DNAAF11: variants seen among roughly 807,000 people sequenced by gnomAD.
DNAAF11 encodes the protein dynein axonemal assembly factor 11.
In DNAAF11, 45 loss-of-function variants were observed where a neutral mutation model predicts 60.8. That is an observed-to-expected ratio of 0.74 (90% CI 0.58 to 0.95). The LOEUF is 0.95. Among genes scored for constraint, DNAAF11 ranks in the 40% least tolerant of loss-of-function variants. The pLI, the probability that DNAAF11 is intolerant of heterozygous loss-of-function variation, is 0.00. For missense variants in DNAAF11, 546 were observed against 546.2 expected, an observed-to-expected ratio of 1.00 and a Z score of 0.00; for synonymous variants, 191 against 183.5, an observed-to-expected ratio of 1.04 and a Z score of -0.33.
chr8:132,602,497 A>G (rs1173355358), intron 10 of DNAAF11, among the ~76,000 whole-genome samples: 2 of 151,994 alleles, frequency 1.3e-5, no homozygotes, highest in African/African-American at 4.8e-5. Context: ...TCCCAAATAA[A>G]CTACTCTACT....
chr8:132,633,266 T>C (rs889946885), intron 4 of DNAAF11, among the ~76,000 whole-genome samples: 1 of 152,132 alleles, frequency 6.6e-6, no homozygotes, highest in Non-Finnish European at 1.5e-5. Flanking sequence ...AAAATGTCAA[T>C]GCTTAAGTCA....
chr8:132,627,725 T>C (rs988651356), intron 5 of DNAAF11, among the ~76,000 whole-genome samples: 9 of 152,166 alleles, frequency 5.9e-5, no homozygotes, highest in African/African-American at 2.2e-4. Flanking sequence ...TTCCTCTGAA[T>C]CCCATACTAC....
intron 1 of DNAAF11, 83 bp downstream of exon 1, chr8:132,675,401 G>A (rs762355385): frequency 1.6e-4 from 235 of 1,452,300 alleles, no homozygotes; most frequent in Non-Finnish European, 4.5e-5. Context: ...CGCAGGGCGG[G>A]AGCGGGCGGC....
At chr8:132,645,280 T>C (rs1822262245) in intron 3 of DNAAF11, among the ~76,000 whole-genome samples, 1 of 152,102 alleles carries the variant, frequency 6.6e-6, no homozygotes, top group Non-Finnish European at 1.5e-5. Context: ...TCCTGACTGT[T>C]AGAAGGAAAG....
chr8:132,632,685 C>T, intron 5 of DNAAF11, 55 bp downstream of exon 5: 1 of 1,197,616 alleles, frequency 8.3e-7, no homozygotes, highest in South Asian at 1.2e-5. Context: ...AAAGAGAATA[C>T]AGTTTGCTGC....
chr8:132,601,939 A>C (rs1817667044), intron 10 of DNAAF11, among the ~76,000 whole-genome samples: 2 of 151,904 alleles, frequency 1.3e-5, no homozygotes, highest in Non-Finnish European at 2.9e-5. Context: ...ATAATAAACT[A>C]TCTCTGCTAA....
chr8:132,590,330 A>G (rs1000371630), intron 10 of DNAAF11, among the ~76,000 whole-genome samples: 4 of 152,190 alleles, frequency 2.6e-5, no homozygotes, highest in African/African-American at 7.2e-5. Context: ...GGGTTACTGC[A>G]GTTTTGGTTT....
intron 1 of DNAAF11, among the ~76,000 whole-genome samples, chr8:132,674,378 G>T (rs1476032010): frequency 6.6e-6 from 1 of 152,086 alleles, no homozygotes; most frequent in East Asian, 1.9e-4. Flanking sequence ...CTTGCAGGCT[G>T]TCAGGTCTTC....
the DNAAF11 span, among the ~76,000 whole-genome samples, chr8:132,690,111 T>C: frequency 1.3e-5 from 2 of 152,234 alleles, no homozygotes; most frequent in Non-Finnish European, 2.9e-5. Context: ...AGTTTGAGAT[T>C]TTTAGAAAAA....
rs115508504 is a variant in DNAAF11, at chr8:132,576,508, T to C, written c.1227-4028A>G. On this transcript the variant is annotated intron_variant, in intron 11 of 11. Coordinates refer to ENST00000620350, the MANE Select transcript of DNAAF11 (RefSeq NM_012472.6). ...AAGTGAGACGATTTGACTGACCAAATTGACCCAGTTGTTTTGGTGAACTGA... is the reference window on the plus strand; with the variant it reads ...AAGTGAGACGATTTGACTGACCAAACTGACCCAGTTGTTTTGGTGAACTGA... 9.9e-3 allele frequency among the ~76,000 whole-genome samples: 1,513 copies of C among 152,298 alleles called. 30 individuals are homozygous for C. The highest frequency in any genetic ancestry group is 0.034 in the African/African-American group (1,417 of 41,542).
the DNAAF11 span, chr8:132,687,572 C>T: frequency 1.3e-5 from 6 of 455,866 alleles, no homozygotes; most frequent in Non-Finnish European, 1.8e-5. Flanking sequence ...CCCACACCTT[C>T]GTTGAGTTCT....
At chr8:132,583,185 G>C (rs928549626) in intron 11 of DNAAF11, among the ~76,000 whole-genome samples, 3 of 152,088 alleles carry the variant, frequency 2.0e-5, no homozygotes, top group Non-Finnish European at 2.9e-5. Flanking sequence ...AGGGGCCCTA[G>C]TACCCCTGAG....
Position 132,592,347 on chromosome 8 carries a change from G to A in DNAAF11, c.1141-8568C>T, listed in dbSNP as rs190083568. ...TCCCGAGGGAGTGTTATCTGAGCTA[G>A]AAAAGGAATATCCAATTGAAAGGAG... On this transcript the variant is annotated intron_variant, in intron 10 of 11. Transcript: ENST00000620350. Among the ~76,000 whole-genome samples, 1,497 of 152,292 alleles carry A rather than the reference G, an allele frequency of 9.8e-3. 10 individuals are homozygous for A. The highest frequency in any genetic ancestry group is 0.012 in the Non-Finnish European group (820 of 68,016).
chr8:132,670,471 G>C lies in DNAAF11; in HGVS notation c.10+5013C>G, dbSNP rs182442481. On this transcript the variant is annotated intron_variant, in intron 1 of 11. Transcript: ENST00000620350. ...CAGCCCTATATCTACTGGATATGTA[G>C]TTAAAAACCTTTCTTTCCACAAATA... is the stretch of plus-strand genomic sequence containing the variant. 1.0e-3 allele frequency among the ~76,000 whole-genome samples: 159 copies of C among 152,258 alleles called. No individual in the cohort carries two copies. The Middle Eastern group carries it at 0.014, about 13-fold the overall frequency.
At chr8:132,670,863 T>C (rs1337658689) in intron 1 of DNAAF11, among the ~76,000 whole-genome samples, 3 of 152,084 alleles carry the variant, frequency 2.0e-5, no homozygotes, top group Non-Finnish European at 2.9e-5. Flanking sequence ...ATAATGTCAG[T>C]AGAGACAAAA....
chr8:132,681,665 AG>A, the DNAAF11 span, among the ~76,000 whole-genome samples: 1 of 152,192 alleles, frequency 6.6e-6, no homozygotes, highest in African/African-American at 2.4e-5. Context: ...TCCAAACATC[AG>A]ACATTCTAGT....
chr8:132,619,204 A>C (rs1361333827), intron 7 of DNAAF11, among the ~76,000 whole-genome samples: 1 of 152,094 alleles, frequency 6.6e-6, no homozygotes, highest in Non-Finnish European at 1.5e-5. Flanking sequence ...AAGAACAAAA[A>C]ACCAAACACC....
chr8:132,603,978 T>G (rs1378238313), intron 10 of DNAAF11, among the ~76,000 whole-genome samples: 1 of 152,130 alleles, frequency 6.6e-6, no homozygotes, highest in African/African-American at 2.4e-5. Flanking sequence ...AAGGCCAGGT[T>G]GCACAAGGGG....
the DNAAF11 span, among the ~76,000 whole-genome samples, chr8:132,694,028 A>G: frequency 6.6e-6 from 1 of 152,170 alleles, no homozygotes; most frequent in Non-Finnish European, 1.5e-5. Flanking sequence ...TACTATGTTG[A>G]CAGTATGCTC....
Sources: allele counts gnomAD v4.1 joint callset (sites outside exome capture counted in the v4.1 genomes callset), GRCh38; gene constraint gnomAD v4.1.1; transcripts MANE v1.5; gene names NCBI Gene and HGNC (gene_info 2026-07-23, HGNC 2026-07-21).